Variants in CAMTA1 observed in about 807,000 individuals in gnomAD.
CAMTA1 encodes calmodulin-binding transcription activator 1.
CAMTA1 carries 27 observed loss-of-function variants against 170.9 expected under a neutral mutation model. The observed-to-expected ratio is 0.16, with a 90% CI of 0.12 to 0.22. CAMTA1 has a LOEUF of 0.22. Ranked by LOEUF, CAMTA1 falls within the 10% of genes least tolerant of loss-of-function variation. The pLI is 1.00. For synonymous variants in CAMTA1, 833 were observed against 891.5 expected (o/e 0.93, Z 1.17); for missense variants, 1,619 against 2,217.2 (o/e 0.73, Z 5.42).
chr1:7,082,798 C>T (rs1462628962), intron 3 of CAMTA1, among the ~76,000 whole-genome samples: 1 of 152,200 alleles, frequency 6.6e-6, no homozygotes, highest in East Asian at 1.9e-4. Context: ...AATGTTAGCT[C>T]CTTGACACAA....
chr1:7,749,059 A>T (rs2096877086), intron 19 of CAMTA1, among the ~76,000 whole-genome samples: 1 of 152,232 alleles, frequency 6.6e-6, no homozygotes. Context: ...ATAAAATATT[A>T]AAAATTGCCT....
intron 5 of CAMTA1, among the ~76,000 whole-genome samples, chr1:7,413,477 T>C (rs1485684889): frequency 3.3e-5 from 5 of 152,224 alleles, no homozygotes; most frequent in Admixed American, 3.3e-4. Flanking sequence ...TTCATGTCCC[T>C]TGTAAGTTGG....
At chr1:7,608,513 G>C (rs1043966401) in intron 6 of CAMTA1, among the ~76,000 whole-genome samples, 2 of 152,176 alleles carry the variant, frequency 1.3e-5, no homozygotes, top group African/African-American at 4.8e-5. Flanking sequence ...GCCCAGGACT[G>C]CATAACACCA....
At chr1:7,428,511 T>C (rs1026020609) in intron 5 of CAMTA1, among the ~76,000 whole-genome samples, 1 of 152,058 alleles carries the variant, frequency 6.6e-6, no homozygotes, top group African/African-American at 2.4e-5. Flanking sequence ...CCGGAGCACA[T>C]AGAGTCAAGT....
intron 5 of CAMTA1, among the ~76,000 whole-genome samples, chr1:7,346,904 G>T (rs1486716441): frequency 6.6e-6 from 1 of 152,184 alleles, no homozygotes; most frequent in Non-Finnish European, 1.5e-5. Context: ...TGAGAGCAGA[G>T]AGTCCCAGCT....
intron 5 of CAMTA1, among the ~76,000 whole-genome samples, chr1:7,256,492 G>A (rs909344819): frequency 3.3e-5 from 5 of 152,160 alleles, no homozygotes; most frequent in Non-Finnish European, 5.9e-5. Context: ...CCCGGGAGGC[G>A]CAGCTTGCAG....
chr1:7,432,586 G>T (rs973991820), intron 5 of CAMTA1, among the ~76,000 whole-genome samples: 3 of 152,182 alleles, frequency 2.0e-5, no homozygotes, highest in African/African-American at 7.2e-5. Flanking sequence ...GGGCCAGGAT[G>T]CTGAGGGGCC....
At chr1:7,488,240 G>A (rs566971133) in intron 6 of CAMTA1, among the ~76,000 whole-genome samples, 43 of 152,284 alleles carry the variant, frequency 2.8e-4, no homozygotes, top group African/African-American at 1.0e-3. Context: ...CAGCAGCAGC[G>A]CCTGGACAGG....
chr1:7,482,051 A>G lies in CAMTA1; in HGVS notation c.510+14150A>G, dbSNP rs2093547246. On this transcript the variant is annotated intron_variant, in intron 6 of 22. Transcript: ENST00000303635. This position sits in a 1 kb window ranked among gnomAD's most constrained non-coding sequence, Gnocchi z 4.2. ...ACTATAGGTTCATTTTTTCTGTTCT[A>G]GAACTTCGTAGAACTGGAATCCTGC... Among the ~76,000 whole-genome samples, 1 of 152,122 alleles carries G rather than the reference A, an allele frequency of 6.6e-6. No individual in the cohort carries two copies. Among genetic ancestry groups the G allele is most frequent in the South Asian group, 2.1e-4 (1 of 4,824 alleles).
chr1:7,593,815 G>A (rs1183046391), intron 6 of CAMTA1, among the ~76,000 whole-genome samples: 1 of 149,230 alleles, frequency 6.7e-6, no homozygotes, highest in East Asian at 2.1e-4. Flanking sequence ...GCCAAGGCAG[G>A]TGGATCACCT....
At chr1:7,267,962 A>G (rs1233096791) in intron 5 of CAMTA1, among the ~76,000 whole-genome samples, 2 of 152,332 alleles carry the variant, frequency 1.3e-5, no homozygotes, top group East Asian at 3.9e-4. Flanking sequence ...TCCAATGGCC[A>G]TGGCAAAGTA....
At chr1:6,840,190 A>G (rs1033016600) in intron 3 of CAMTA1, among the ~76,000 whole-genome samples, 6 of 152,112 alleles carry the variant, frequency 3.9e-5, no homozygotes, top group Admixed American at 6.5e-5. Context: ...CAAGAGCGGA[A>G]CACCGTCTCA....
chr1:7,564,898 A>T (rs2150290158), intron 6 of CAMTA1, among the ~76,000 whole-genome samples: 1 of 152,000 alleles, frequency 6.6e-6, no homozygotes, highest in East Asian at 1.9e-4. Context: ...GTGGAAAAAA[A>T]TAGTCAAGGA....
intron 3 of CAMTA1, among the ~76,000 whole-genome samples, chr1:6,902,066 C>CA (rs753157406): frequency 1.6e-5 from 2 of 125,178 alleles, no homozygotes; most frequent in East Asian, 2.8e-4. Context: ...CACACACACA[C>CA]ACACACAAAA....
intron 4 of CAMTA1, among the ~76,000 whole-genome samples, chr1:7,208,461 C>T (rs1329768663): frequency 6.6e-6 from 1 of 152,170 alleles, no homozygotes; most frequent in African/African-American, 2.4e-5. Context: ...CAGAATTTTA[C>T]CTGTTTGTCT....
At chr1:7,461,114 A>G (rs1260186396) in intron 5 of CAMTA1, among the ~76,000 whole-genome samples, 1 of 152,214 alleles carries the variant, frequency 6.6e-6, no homozygotes, top group African/African-American at 2.4e-5. Flanking sequence ...GCATTAGAGA[A>G]GGTTTTAGGG....
rs535671088 is a variant in CAMTA1, at chr1:7,122,629, T to C, written c.302+31258T>C. On this transcript the variant is annotated intron_variant, in intron 4 of 22. Coordinates refer to ENST00000303635, the MANE Select transcript of CAMTA1 (RefSeq NM_015215.4). ...GGGCTTATTTCCTAGCCAAGTCAGC[T>C]CTCAGGAAAGTGTCTGCAGGTAAGG... Among the ~76,000 whole-genome samples the C allele has an allele frequency of 1.1e-3, 172 of 152,260 alleles. 1 individual carries two copies. Among genetic ancestry groups the C allele is most frequent in the Non-Finnish European group, 2.0e-3 (133 of 68,014 alleles).
At chr1:7,334,742 G>C (rs976631480) in intron 5 of CAMTA1, among the ~76,000 whole-genome samples, 1 of 152,140 alleles carries the variant, frequency 6.6e-6, no homozygotes, top group Non-Finnish European at 1.5e-5. Context: ...AGAGGCTGAC[G>C]GTGTCTGAGG....
intron 3 of CAMTA1, among the ~76,000 whole-genome samples, chr1:7,012,152 T>C (rs1396243195): frequency 1.3e-5 from 2 of 152,022 alleles, no homozygotes; most frequent in Non-Finnish European, 2.9e-5. Context: ...GTTTTTAACC[T>C]CATGTGGGCC....
Sources: gnomAD v4.1 joint callset for allele counts (sites outside exome capture counted in the v4.1 genomes callset) on GRCh38, gnomAD v4.1.1 for gene constraint, Gnocchi (gnomAD v3.1) non-coding constraint, MANE v1.5 for transcripts, NCBI Gene and HGNC (gene_info 2026-07-23, HGNC 2026-07-21) for gene names.